Variants in LIN7A observed in about 807,000 individuals in gnomAD.
LIN7A encodes protein lin-7 homolog A.
Under a neutral mutation model 29.8 loss-of-function variants are expected in LIN7A, and 25 were observed. The observed-to-expected ratio is 0.84, with a 90% CI of 0.61 to 1.17. LIN7A has a LOEUF of 1.17. Ranked by LOEUF, LIN7A falls within the 50% of genes most tolerant of loss-of-function variation. LIN7A has a pLI of 0.00. For synonymous variants in LIN7A, 118 were observed against 107.5 expected, an observed-to-expected ratio of 1.10 and a Z score of -0.60; for missense variants, 239 against 287.0, an observed-to-expected ratio of 0.83 and a Z score of 1.21.
chr12:80,874,787 T>C (rs1301213021), intron 2 of LIN7A, among the ~76,000 whole-genome samples: 2 of 152,092 alleles, frequency 1.3e-5, no homozygotes, highest in African/African-American at 2.4e-5. Context: ...ATCGAGATCA[T>C]CCTGGCTAAC....
intron 4 of LIN7A, among the ~76,000 whole-genome samples, chr12:80,819,302 T>C (rs1871684977): frequency 6.6e-6 from 1 of 152,224 alleles, no homozygotes; most frequent in Non-Finnish European, 1.5e-5. Context: ...TTTTCAAATG[T>C]GTTAATTTTC....
At chr12:80,821,059 C>T (rs1346495859) in intron 4 of LIN7A, among the ~76,000 whole-genome samples, 6 of 152,228 alleles carry the variant, frequency 3.9e-5, no homozygotes, top group Non-Finnish European at 8.8e-5. Context: ...AACTACCTCC[C>T]CCATACTCAC....
At chr12:80,880,511 T>G (rs184648802) in intron 2 of LIN7A, among the ~76,000 whole-genome samples, 2 of 152,326 alleles carry the variant, frequency 1.3e-5, no homozygotes, top group Admixed American at 1.3e-4. Context: ...GTCTGTGAAA[T>G]TATTTTAACA....
At chr12:80,815,409 C>T (rs1871486232) in intron 4 of LIN7A, among the ~76,000 whole-genome samples, 1 of 152,124 alleles carries the variant, frequency 6.6e-6, no homozygotes, top group Admixed American at 6.5e-5. Context: ...TTCCTTGAGC[C>T]CTGAAAGTTC....
intron 4 of LIN7A, among the ~76,000 whole-genome samples, chr12:80,837,899 C>CT (rs150458194): frequency 5.3e-5 from 8 of 150,992 alleles, no homozygotes; most frequent in South Asian, 4.2e-4. Flanking sequence ...GATTATAACC[C>CT]TTTTTTTTTG....
chr12:80,890,701 C>A (rs1287141617), intron 1 of LIN7A, among the ~76,000 whole-genome samples: 1 of 152,094 alleles, frequency 6.6e-6, no homozygotes, highest in African/African-American at 2.4e-5. Context: ...CTGCCAGTTT[C>A]CAAAGTCTGT....
At chr12:80,853,717 G>A (rs541862341) in intron 2 of LIN7A, among the ~76,000 whole-genome samples, 4 of 151,166 alleles carry the variant, frequency 2.6e-5, no homozygotes, top group African/African-American at 9.7e-5. Context: ...CTTTTTTTGA[G>A]ACGGAGTCTC....
intron 1 of LIN7A, among the ~76,000 whole-genome samples, chr12:80,906,300 C>T (rs573652186): frequency 1.2e-3 from 176 of 152,278 alleles, no homozygotes; most frequent in Non-Finnish European, 1.7e-3. Flanking sequence ...AGCTCTCACT[C>T]TACTATTTGC....
chr12:80,916,115 T>C (rs768420465), intron 1 of LIN7A, among the ~76,000 whole-genome samples: 9 of 152,228 alleles, frequency 5.9e-5, no homozygotes, highest in Non-Finnish European at 1.2e-4. Context: ...TTTCTGCTAC[T>C]AGCCTGATCC....
At chr12:80,923,744 C>T (rs774196966) in intron 1 of LIN7A, among the ~76,000 whole-genome samples, 5 of 152,194 alleles carry the variant, frequency 3.3e-5, no homozygotes, top group Non-Finnish European at 7.3e-5. Flanking sequence ...GCTATAGATT[C>T]TATTACTGAC....
At chr12:80,815,717 AC>A (rs1326733372) in intron 4 of LIN7A, among the ~76,000 whole-genome samples, 1 of 151,844 alleles carries the variant, frequency 6.6e-6, no homozygotes, top group Non-Finnish European at 1.5e-5. Flanking sequence ...TTACAGTGAA[AC>A]CCCCTCCTCC....
chr12:80,880,750 C>CGT (rs1874979270), intron 2 of LIN7A, among the ~76,000 whole-genome samples: 1 of 99,340 alleles, frequency 1.0e-5, no homozygotes, highest in Non-Finnish European at 2.2e-5. Flanking sequence ...GAGGAGGCAA[C>CGT]GCACACACAC....
In LIN7A at chr12:80,807,841, T is replaced by C. The variant is rs143417370; in HGVS notation, c.*3624A>G. ...ATCATCCTAGACCAAGTCACCATAT[T>C]TCCTGCCTGGACTACTACACATTAG... On this transcript the variant is annotated intron_variant, in intron 5 of 5. Transcript: ENST00000552864. Among the ~76,000 whole-genome samples, 930 of 152,314 alleles carry C rather than the reference T, an allele frequency of 6.1e-3. 10 individuals carry two copies. The highest frequency in any genetic ancestry group is 0.021 in the African/African-American group (879 of 41,568).
At chr12:80,896,483 T>C (rs891214403) in intron 1 of LIN7A, among the ~76,000 whole-genome samples, 4 of 152,218 alleles carry the variant, frequency 2.6e-5, no homozygotes, top group African/African-American at 7.2e-5. Context: ...CTTCTATCAC[T>C]GCGATATGAA....
In LIN7A at chr12:80,824,272, G is replaced by C. The variant is rs561548135; in HGVS notation, c.484-12589C>G. 4.6e-5 allele frequency among the ~76,000 whole-genome samples: 7 copies of C among 152,136 alleles called. No homozygotes were observed. In the East Asian group the frequency reaches 1.4e-3, roughly 29 times the overall value. ...ATAGACTAGAAAACCTAGAGGAGAT[G>C]GATAAATTCCTGGAAATGTACAACT... is the stretch of plus-strand genomic sequence containing the variant. On this transcript the variant is annotated intron_variant, in intron 4 of 5. Coordinates refer to ENST00000552864, the MANE Select transcript of LIN7A (RefSeq NM_004664.4).
intron 1 of LIN7A, among the ~76,000 whole-genome samples, chr12:80,925,555 T>A (rs1295469332): frequency 1.3e-5 from 2 of 152,168 alleles, no homozygotes; most frequent in African/African-American, 4.8e-5. Context: ...ACACATTAAC[T>A]CATTTAAAAC....
At position 80,882,961 on chromosome 12, in the gene LIN7A, A is replaced by T. The variant is rs1225657999; in HGVS notation, c.201+6290T>A. 4.6e-5 allele frequency among the ~76,000 whole-genome samples: 7 copies of T among 152,198 alleles called. No homozygotes were observed. The East Asian group carries it at 1.2e-3, about 25-fold the overall frequency. On this transcript the variant is annotated intron_variant, in intron 2 of 5. Coordinates refer to ENST00000552864, the MANE Select transcript of LIN7A (RefSeq NM_004664.4). ...TGGTCAAGCAAGGATGTGAATCCAGATTTGTCACCATCCATTGCCAATATT... is the reference window on the plus strand; with the variant it reads ...TGGTCAAGCAAGGATGTGAATCCAGTTTTGTCACCATCCATTGCCAATATT...
intron 2 of LIN7A, among the ~76,000 whole-genome samples, chr12:80,853,924 C>A (rs1873460699): frequency 6.6e-6 from 1 of 152,110 alleles, no homozygotes. Flanking sequence ...GAACTCCTGA[C>A]CTCAAGTGAT....
At chr12:80,852,288 C>T (rs1485222745) in intron 2 of LIN7A, among the ~76,000 whole-genome samples, 2 of 152,112 alleles carry the variant, frequency 1.3e-5, no homozygotes, top group Admixed American at 6.6e-5. Context: ...TTTACATACA[C>T]AGGTTATGCA....
Sources: allele counts gnomAD v4.1 joint callset (sites outside exome capture counted in the v4.1 genomes callset), GRCh38; gene constraint gnomAD v4.1.1; transcripts MANE v1.5; gene names NCBI Gene and HGNC (gene_info 2026-07-23, HGNC 2026-07-21).